The following TMEM131 variants were observed in gnomAD, a reference collection of about 807,000 sequenced individuals.
TMEM131 encodes the protein transmembrane protein 131.
A neutral mutation model predicts 211.6 loss-of-function variants in TMEM131; 66 were observed. The observed-to-expected ratio is 0.31, with a 90% CI of 0.26 to 0.38. The LOEUF (loss-of-function observed/expected upper bound fraction) is 0.38, where lower values mean the gene tolerates loss of function less well. Ranked by LOEUF, TMEM131 falls within the 10% of genes least tolerant of loss-of-function variation. The pLI is 1.00. For synonymous variants in TMEM131, 844 were observed against 841.3 expected (o/e 1.00, Z -0.06); for missense variants, 2,036 against 2,299.3 (o/e 0.89, Z 2.34).
chr2:97,785,192 C>CA lies in TMEM131; in HGVS notation c.4144+7193dup, dbSNP rs545041737. On this transcript the variant is annotated intron_variant, in intron 31 of 40. Coordinates refer to ENST00000186436, the MANE Select transcript of TMEM131 (RefSeq NM_015348.2). Reference sequence around the variant, plus strand: ...TTTCACACTTCATACAAGATGAACTCAAAATGAATCATGGACTATAAAAGG... The same window carrying CA: ...TTTCACACTTCATACAAGATGAACTCAAAAATGAATCATGGACTATAAAAGG... Among the ~76,000 whole-genome samples the CA allele has an allele frequency of 1.4e-3, 211 of 152,198 alleles. 9 individuals are homozygous for CA. In the South Asian group the frequency reaches 0.043, roughly 31 times the overall value.
intron 1 of TMEM131, among the ~76,000 whole-genome samples, chr2:97,934,854 A>T (rs1428099659): frequency 6.6e-6 from 1 of 152,204 alleles, no homozygotes; most frequent in Non-Finnish European, 1.5e-5. Context: ...CTTACAACTT[A>T]TACAAAAATT....
rs1299050540 is a variant in TMEM131, at chr2:97,792,989, A to G, written c.3546-5T>C. On this transcript the variant is annotated splice_polypyrimidine_tract_variant and splice_region_variant and intron_variant, in intron 30 of 40. Transcript: ENST00000186436. ...TCACAGCTGAGTGTGTTCAAGCTGA[A>G]AAAGGGACCAACTGCAGATCAGTAA... 1 of 1,527,052 alleles carries G rather than the reference A, an allele frequency of 6.5e-7. No homozygotes were observed. Among genetic ancestry groups the G allele is most frequent in the Non-Finnish European group, 8.8e-7 (1 of 1,140,510 alleles). 94.6% of individuals were successfully genotyped at this position (1,527,052 alleles called of 1,614,324 possible). A position where few individuals can be genotyped will look rare whatever the true frequency, so the allele number is the denominator to read the frequency against.
intron 4 of TMEM131, among the ~76,000 whole-genome samples, chr2:97,880,641 AGATAC>A (rs1391522348): frequency 6.6e-6 from 1 of 152,088 alleles, no homozygotes. Flanking sequence ...CATGGACTGG[AGATAC>A]AGAAGAGCAA....
chr2:97,833,509 T>C (rs1040313735), intron 10 of TMEM131, 83 bp from the exon 11 acceptor site: 6 of 653,674 alleles, frequency 9.2e-6, no homozygotes, highest in African/African-American at 3.8e-5. Context: ...AGATATCAAA[T>C]TGAAGCTATC....
chr2:97,987,523 CA>C (rs148508324), intron 1 of TMEM131, among the ~76,000 whole-genome samples: 2 of 151,544 alleles, frequency 1.3e-5, no homozygotes, highest in African/African-American at 4.8e-5. Flanking sequence ...AAAACAAAAA[CA>C]AAAAAAAGTC....
At chr2:97,757,514 G>GTT (rs1349468210) in intron 40 of TMEM131, 131 bp from the exon 41 acceptor site, 1 of 1,023,704 alleles carries the variant, frequency 9.8e-7, no homozygotes, top group African/African-American at 1.6e-5. Flanking sequence ...TAGAACAAAT[G>GTT]TTATATATAT....
At chr2:97,806,374 T>TA (rs1479400439) in intron 19 of TMEM131, among the ~76,000 whole-genome samples, 1 of 152,084 alleles carries the variant, frequency 6.6e-6, no homozygotes, top group Non-Finnish European at 1.5e-5. Flanking sequence ...CTGTTCCTGC[T>TA]AAAAATACAC....
At chr2:97,872,469 T>A (rs556253206) in intron 4 of TMEM131, among the ~76,000 whole-genome samples, 4 of 151,978 alleles carry the variant, frequency 2.6e-5, no homozygotes, top group African/African-American at 9.7e-5. Flanking sequence ...TAAAAACCAA[T>A]TGCTGGCAAG....
At chr2:97,797,259 G>T (rs1680813038) in intron 26 of TMEM131, 106 bp downstream of exon 26, 1 of 1,138,294 alleles carries the variant, frequency 8.8e-7, no homozygotes, top group Non-Finnish European at 1.3e-6. Context: ...TGGACAAAGT[G>T]AATTCAAACT....
At position 97,940,722 on chromosome 2, in the gene TMEM131, T is replaced by G. The variant is rs558357551; in HGVS notation, c.188-13235A>C. ...TACTTGGGAGGCTGAGGCAGGAGAA[T>G]TGCGTGAACCTAGGAGGCGGAGCTT... On this transcript the variant is annotated intron_variant, in intron 1 of 40. Coordinates refer to ENST00000186436, the MANE Select transcript of TMEM131 (RefSeq NM_015348.2). 1.9e-4 allele frequency among the ~76,000 whole-genome samples: 29 copies of G among 151,562 alleles called. No individual in the cohort carries two copies. In the East Asian group the frequency reaches 4.3e-3, roughly 22 times the overall value.
intron 11 of TMEM131, among the ~76,000 whole-genome samples, chr2:97,828,455 T>C (rs1232549922): frequency 6.6e-6 from 1 of 152,144 alleles, no homozygotes; most frequent in Non-Finnish European, 1.5e-5. Context: ...GCCATACAAC[T>C]AACACCCCTA....
intron 1 of TMEM131, among the ~76,000 whole-genome samples, chr2:97,927,992 G>A (rs1180576763): frequency 6.6e-6 from 1 of 152,142 alleles, no homozygotes; most frequent in Non-Finnish European, 1.5e-5. Context: ...TCTGATCCAA[G>A]AAACAGCAAT....
intron 1 of TMEM131, among the ~76,000 whole-genome samples, 194 bp from the exon 2 acceptor site, chr2:97,927,681 AT>A (rs1677050289): frequency 1.3e-5 from 2 of 152,212 alleles, no homozygotes; most frequent in Non-Finnish European, 2.9e-5. Flanking sequence ...AAAACAAATA[AT>A]AAAGTAACTT....
At chr2:97,840,637 T>C (rs1469554523) in intron 7 of TMEM131, among the ~76,000 whole-genome samples, 4 of 152,178 alleles carry the variant, frequency 2.6e-5, no homozygotes, top group Non-Finnish European at 4.4e-5. Flanking sequence ...AGTTTCTACA[T>C]AGATTTGTAA....
intron 25 of TMEM131, among the ~76,000 whole-genome samples, chr2:97,798,186 T>A (rs997422426): frequency 6.6e-6 from 1 of 152,276 alleles, no homozygotes. Context: ...ATATTCAAAA[T>A]ATGACTTTTT....
At chr2:97,954,992 C>G (rs1281813841) in intron 1 of TMEM131, among the ~76,000 whole-genome samples, 1 of 151,930 alleles carries the variant, frequency 6.6e-6, no homozygotes, top group Non-Finnish European at 1.5e-5. Flanking sequence ...TAGTGTATTA[C>G]TCTTGACATC....
At chr2:97,785,060 C>T (rs1680184586) in intron 31 of TMEM131, among the ~76,000 whole-genome samples, 1 of 152,138 alleles carries the variant, frequency 6.6e-6, no homozygotes, top group Non-Finnish European at 1.5e-5. Context: ...TACCACAACT[C>T]ACTGAATATG....
At chr2:97,872,075 C>T (rs2105226494) in intron 4 of TMEM131, among the ~76,000 whole-genome samples, 1 of 152,068 alleles carries the variant, frequency 6.6e-6, no homozygotes, top group African/African-American at 2.4e-5. Context: ...AGAGAGAATA[C>T]AGGTAGGCTT....
intron 1 of TMEM131, among the ~76,000 whole-genome samples, chr2:97,931,303 A>T (rs1677208025): frequency 6.7e-6 from 1 of 150,010 alleles, no homozygotes; most frequent in African/African-American, 2.5e-5. Flanking sequence ...TGTGAGTAAC[A>T]AAGCCATTTA....
Sources: allele counts gnomAD v4.1 joint callset (sites outside exome capture counted in the v4.1 genomes callset), GRCh38; gene constraint gnomAD v4.1.1; transcripts MANE v1.5; gene names NCBI Gene and HGNC (gene_info 2026-07-23, HGNC 2026-07-21).